Variants in NT5C2 observed in about 807,000 individuals in gnomAD.
NT5C2 encodes the protein 5'-nucleotidase, cytosolic II.
NT5C2 carries 58 observed loss-of-function variants against 76.1 expected under a neutral mutation model. The ratio of observed to expected loss-of-function variants is 0.76; its 90% CI spans 0.62 to 0.95. NT5C2 has a LOEUF of 0.95. Ranked by LOEUF, NT5C2 falls within the 40% of genes least tolerant of loss-of-function variation. The pLI is 0.00. For missense variants in NT5C2, 478 were observed against 690.3 expected (o/e 0.69, Z 3.45); for synonymous variants, 229 against 237.4 (o/e 0.96, Z 0.32).
At chr10:103,091,385 G>C (rs902450827) in intron 16 of NT5C2, among the ~76,000 whole-genome samples, 179 bp downstream of exon 16, 1 of 147,212 alleles carries the variant, frequency 6.8e-6, no homozygotes, top group African/African-American at 2.5e-5. Flanking sequence ...CACTCTTGTC[G>C]CCCAGGCTGG....
At chr10:103,162,732 A>G (rs2085245933) in intron 3 of NT5C2, among the ~76,000 whole-genome samples, 1 of 152,220 alleles carries the variant, frequency 6.6e-6, no homozygotes, top group Non-Finnish European at 1.5e-5. Flanking sequence ...ATATCCACAA[A>G]AAGATTTGTT....
At chr10:103,190,381 A>G (rs1214208765) in intron 1 of NT5C2, among the ~76,000 whole-genome samples, 1 of 152,102 alleles carries the variant, frequency 6.6e-6, no homozygotes, top group Non-Finnish European at 1.5e-5. Flanking sequence ...CATACCCTCA[A>G]TACATCCACT....
chr10:103,119,139 A>AT (rs901666109), intron 4 of NT5C2, among the ~76,000 whole-genome samples: 1 of 152,110 alleles, frequency 6.6e-6, no homozygotes, highest in African/African-American at 2.4e-5. Flanking sequence ...GGAAGCCAAG[A>AT]TGGGTGGATC....
chr10:103,187,628 T>C (rs1375363191), intron 1 of NT5C2, among the ~76,000 whole-genome samples: 1 of 151,980 alleles, frequency 6.6e-6, no homozygotes, highest in African/African-American at 2.4e-5. Context: ...AGCATGATAC[T>C]GTTAAATGCT....
intron 4 of NT5C2, among the ~76,000 whole-genome samples, chr10:103,131,452 A>G (rs1279520596): frequency 2.6e-5 from 4 of 152,198 alleles, no homozygotes; most frequent in Admixed American, 2.6e-4. Context: ...CCTCTTTTAT[A>G]AAGGCGGAGC....
chr10:103,123,490 C>A (rs1254595496), intron 4 of NT5C2, among the ~76,000 whole-genome samples: 1 of 152,128 alleles, frequency 6.6e-6, no homozygotes, highest in African/African-American at 2.4e-5. Context: ...ACTGGGATTA[C>A]CCCTGTGAGC....
chr10:103,091,564 T>C lies in NT5C2; in HGVS notation c.1211A>G (p.Lys404Arg). Residue 404 changes from lysine to arginine, a missense_variant and splice_region_variant, in exon 16 of 19, where the codon AAG becomes AGG. Lys to Arg is a conservative substitution (Grantham distance 26, BLOSUM62 2). Transcript: ENST00000404739. ...GGAAAGAAATTTTTAGAAAACTTAC[T>C]TGTAGAGTTCAGCCAAGAAAATATC... ...SLDIFLAELY[K>R]HLDSSSNERP... 2 of 1,611,774 alleles carry C rather than the reference T, an allele frequency of 1.2e-6. No individual in the cohort carries two copies. Among genetic ancestry groups the C allele is most frequent in the Non-Finnish European group, 1.7e-6 (2 of 1,178,092 alleles).
chr10:103,139,546 T>C, intron 3 of NT5C2, 67 bp from the exon 4 acceptor site: 2 of 1,127,398 alleles, frequency 1.8e-6, no homozygotes, highest in Non-Finnish European at 1.3e-6. Context: ...AATAAAGTTA[T>C]TTGGCTATTT....
At chr10:103,131,769 A>G (rs1227961373) in intron 4 of NT5C2, among the ~76,000 whole-genome samples, 6 of 152,034 alleles carry the variant, frequency 3.9e-5, no homozygotes, top group South Asian at 2.1e-4. Context: ...AAACAATGAA[A>G]AAGTTATCTG....
In NT5C2 at chr10:103,094,041, G is replaced by A; in HGVS notation, c.922-3C>T. ...CCAATTTTCAGCTTGCCAGTTTTCTGTATGAAGAATATGGATTTTGTAATA... is the reference window on the plus strand; with the variant it reads ...CCAATTTTCAGCTTGCCAGTTTTCTATATGAAGAATATGGATTTTGTAATA... On this transcript the variant is annotated splice_polypyrimidine_tract_variant and splice_region_variant and intron_variant, in intron 13 of 18. Transcript: ENST00000404739. 2 of 1,611,620 alleles carry A rather than the reference G, an allele frequency of 1.2e-6. No individual in the cohort carries two copies. The highest frequency in any genetic ancestry group is 1.7e-6 in the Non-Finnish European group (2 of 1,177,750).
chr10:103,110,879 G>C (rs147244570), intron 4 of NT5C2, among the ~76,000 whole-genome samples: 1 of 152,266 alleles, frequency 6.6e-6, no homozygotes, highest in African/African-American at 2.4e-5. Context: ...TTTATTCTAA[G>C]TGTCCCTCAG....
chr10:103,160,022 C>T lies in NT5C2; in HGVS notation c.101+14836G>A, dbSNP rs138234218. Among the ~76,000 whole-genome samples, 114 of 152,292 alleles carry T rather than the reference C, an allele frequency of 7.5e-4. 1 individual carries two copies. The highest frequency in any genetic ancestry group is 2.7e-3 in the African/African-American group (111 of 41,558). On this transcript the variant is annotated intron_variant, in intron 3 of 18. Coordinates refer to ENST00000404739, the MANE Select transcript of NT5C2 (RefSeq NM_001351169.2). Reference sequence around the variant, plus strand: ...TACTACAAAGCTGCAGTAATCAAGACTGTGTGCTACTGGCATAAGGACAAA... The same window carrying T: ...TACTACAAAGCTGCAGTAATCAAGATTGTGTGCTACTGGCATAAGGACAAA...
At chr10:103,100,237 T>C (rs1405772392) in intron 8 of NT5C2, among the ~76,000 whole-genome samples, 4 of 152,218 alleles carry the variant, frequency 2.6e-5, no homozygotes, top group Non-Finnish European at 4.4e-5. Flanking sequence ...TACAAAGTGA[T>C]AGAAGAATAT....
At chr10:103,171,887 C>T (rs1381884972) in intron 3 of NT5C2, among the ~76,000 whole-genome samples, 3 of 151,922 alleles carry the variant, frequency 2.0e-5, no homozygotes, top group Admixed American at 6.6e-5. Flanking sequence ...AGCAAGACCC[C>T]GTCTCTAATA....
At chr10:103,102,692 T>C (rs1233564812) in intron 6 of NT5C2, among the ~76,000 whole-genome samples, 1 of 152,018 alleles carries the variant, frequency 6.6e-6, no homozygotes, top group African/African-American at 2.4e-5. Context: ...TCAAAGATGA[T>C]GATGTCCATG....
intron 3 of NT5C2, among the ~76,000 whole-genome samples, chr10:103,151,846 C>A (rs1461004955): frequency 6.6e-6 from 1 of 152,024 alleles, no homozygotes; most frequent in Admixed American, 6.5e-5. Context: ...TAATTGATGT[C>A]ATTTATATAC....
chr10:103,189,960 G>A lies in NT5C2; in HGVS notation c.-169+3276C>T, dbSNP rs181056303. Among the ~76,000 whole-genome samples the A allele has an allele frequency of 1.5e-4, 22 of 146,738 alleles. No individual in the cohort carries two copies. In the East Asian group the frequency reaches 1.9e-3, roughly 13 times the overall value. The stretch of plus-strand genomic sequence containing the variant: ...GCTGGGATTACAGGCGTGAGCCACC[G>A]CACCTGGCCGGTTTGCCGCATTAAT... On this transcript the variant is annotated intron_variant, in intron 1 of 18. Transcript: ENST00000404739.
intron 3 of NT5C2, among the ~76,000 whole-genome samples, chr10:103,172,486 A>C (rs2088433874): frequency 6.6e-6 from 1 of 151,618 alleles, no homozygotes; most frequent in African/African-American, 2.4e-5. Flanking sequence ...TGACCTTGTG[A>C]TCCACCCGCC....
At chr10:103,163,149 A>G (rs2085355500) in intron 3 of NT5C2, among the ~76,000 whole-genome samples, 2 of 152,356 alleles carry the variant, frequency 1.3e-5, no homozygotes, top group East Asian at 1.9e-4. Context: ...GTTATAATCT[A>G]TTCTATAAAT....
Sources: allele counts gnomAD v4.1 joint callset (sites outside exome capture counted in the v4.1 genomes callset), GRCh38; gene constraint gnomAD v4.1.1; transcripts MANE v1.5; gene names NCBI Gene and HGNC (gene_info 2026-07-23, HGNC 2026-07-21).